The following SRGAP3 variants were observed in gnomAD, a reference collection of about 807,000 sequenced individuals.
SRGAP3 encodes SLIT-ROBO Rho GTPase-activating protein 3.
In SRGAP3, 39 loss-of-function variants were observed where a neutral mutation model predicts 121.1. The ratio of observed to expected loss-of-function variants is 0.32; its 90% CI spans 0.25 to 0.42. The LOEUF (loss-of-function observed/expected upper bound fraction) is 0.42, where lower values mean the gene tolerates loss of function less well. SRGAP3 is among the 10% of genes least tolerant of loss of function. SRGAP3 has a pLI of 1.00. For missense variants in SRGAP3, 1,213 were observed against 1,470.6 expected (o/e 0.82, Z 2.86); for synonymous variants, 601 against 570.0 (o/e 1.05, Z -0.77).
At chr3:9,242,429 G>A (rs1376618336) in intron 1 of SRGAP3, among the ~76,000 whole-genome samples, 4 of 152,284 alleles carry the variant, frequency 2.6e-5, no homozygotes, top group African/African-American at 4.8e-5. Context: ...GAGGTTAGGA[G>A]TTTGAGACCA....
chr3:9,342,717 CTT>C (rs1278110683), intron 1 of SRGAP3, among the ~76,000 whole-genome samples: 2 of 152,132 alleles, frequency 1.3e-5, no homozygotes, highest in Non-Finnish European at 2.9e-5. Flanking sequence ...TACTTAGACT[CTT>C]GAGGGCTTTC....
At chr3:9,056,526 T>C (rs1945831574) in intron 7 of SRGAP3, among the ~76,000 whole-genome samples, 192 bp from the exon 8 acceptor site, 1 of 152,232 alleles carries the variant, frequency 6.6e-6, no homozygotes, top group African/African-American at 2.4e-5. Flanking sequence ...AACCGGGGTC[T>C]TCCTACTCAA....
intron 1 of SRGAP3, among the ~76,000 whole-genome samples, chr3:9,234,589 A>G (rs890437492): frequency 5.3e-5 from 8 of 152,134 alleles, no homozygotes; most frequent in African/African-American, 1.9e-4. Context: ...TGAATCTCTC[A>G]GCGAGAACTC....
chr3:9,251,809 G>A (rs921982195), upstream of SRGAP3, among the ~76,000 whole-genome samples: 1 of 152,170 alleles, frequency 6.6e-6, no homozygotes, highest in Non-Finnish European at 1.5e-5. Flanking sequence ...TTTGGAGTAA[G>A]TCAGATGGTG....
At position 9,032,640 on chromosome 3, in the gene SRGAP3, C is replaced by G. The variant is rs1319588963; in HGVS notation, c.1539+10G>C. ...TGCATTCGCGGACTCCACGGCTCCC[C>G]AGCAAGTACCTTAATGAATGCTTCC... On this transcript the variant is annotated intron_variant, in intron 12 of 21. Transcript: ENST00000383836. 8 of 1,612,946 alleles carry G rather than the reference C, an allele frequency of 5.0e-6. No individual in the cohort carries two copies. The highest frequency in any genetic ancestry group is 1.3e-5 in the African/African-American group (1 of 74,780).
At chr3:9,182,073 G>A (rs1187459631) in intron 1 of SRGAP3, among the ~76,000 whole-genome samples, 1 of 151,104 alleles carries the variant, frequency 6.6e-6, no homozygotes, top group African/African-American at 2.4e-5. Flanking sequence ...CTACTCGGGA[G>A]GCTGAGGCAC....
rs1953918650 is a variant in SRGAP3 at position 9,248,867 on chromosome 3, T to C, written c.67+18A>G. The C allele has an allele frequency of 6.2e-7, 1 of 1,613,872 alleles. No individual in the cohort carries two copies. Among genetic ancestry groups the C allele is most frequent in the East Asian group, 2.2e-5 (1 of 44,886 alleles). Reference sequence around the variant, plus strand: ...CGAAAGGGGAGGAGAAGGAAAACTCTCCCAGCCCGCATCTCACCTTTTATT... The same window carrying C: ...CGAAAGGGGAGGAGAAGGAAAACTCCCCCAGCCCGCATCTCACCTTTTATT... On this transcript the variant is annotated intron_variant, in intron 1 of 21. Transcript: ENST00000383836.
intron 7 of SRGAP3, among the ~76,000 whole-genome samples, chr3:9,056,755 G>A (rs1015920735): frequency 2.0e-5 from 3 of 152,216 alleles, no homozygotes; most frequent in Admixed American, 6.5e-5. Flanking sequence ...CCATTGTGCC[G>A]CAGAATGACA....
At chr3:9,098,290 T>C (rs1408916879) in intron 3 of SRGAP3, among the ~76,000 whole-genome samples, 4 of 152,170 alleles carry the variant, frequency 2.6e-5, no homozygotes, top group African/African-American at 9.7e-5. Context: ...TTTTAATTAA[T>C]TTTTTTGAGA....
chr3:9,093,529 A>G (rs112119662), intron 3 of SRGAP3, among the ~76,000 whole-genome samples: 1 of 149,440 alleles, frequency 6.7e-6, no homozygotes, highest in African/African-American at 2.5e-5. Flanking sequence ...ATCCATCCAT[A>G]TACCCATCAA....
At chr3:9,195,464 G>A (rs570734313) in intron 1 of SRGAP3, among the ~76,000 whole-genome samples, 190 of 152,164 alleles carry the variant, frequency 1.2e-3, no homozygotes, top group African/African-American at 4.4e-3. Context: ...CTCATCTAGG[G>A]GTGAGGAACA....
chr3:9,248,608 C>T (rs1953908338), intron 1 of SRGAP3, among the ~76,000 whole-genome samples: 1 of 152,120 alleles, frequency 6.6e-6, no homozygotes, highest in Non-Finnish European at 1.5e-5. Context: ...GGGGTATCAG[C>T]GACACTCCTA....
intron 6 of SRGAP3, chr3:9,058,709 T>G: frequency 9.7e-6 from 4 of 411,880 alleles, no homozygotes; most frequent in Non-Finnish European, 1.8e-5. Context: ...CATCTTTCTC[T>G]CTCTCTTTTT....
At chr3:9,293,250 C>T (rs1171371997) in intron 3 of SRGAP3, 1 of 152,092 alleles carries the variant, frequency 6.6e-6, no homozygotes, top group Admixed American at 6.6e-5. Flanking sequence ...GGTAAAGAGA[C>T]CTGAAAATAT....
intron 3 of SRGAP3, among the ~76,000 whole-genome samples, chr3:9,256,295 G>C (rs529013983): frequency 6.6e-6 from 1 of 152,318 alleles, no homozygotes; most frequent in East Asian, 1.9e-4. Context: ...CTGAGCCCCA[G>C]ATCCTAATTC....
chr3:9,068,155 A>G (rs1421951960), intron 4 of SRGAP3, among the ~76,000 whole-genome samples: 1 of 151,580 alleles, frequency 6.6e-6, no homozygotes, highest in Non-Finnish European at 1.5e-5. Flanking sequence ...TCCTTTTTCT[A>G]TTTTGGCTTC....
chr3:9,038,757 T>G (rs1359237739), intron 10 of SRGAP3, among the ~76,000 whole-genome samples: 1 of 152,328 alleles, frequency 6.6e-6, no homozygotes, highest in South Asian at 2.1e-4. Context: ...CTTCTCCTTA[T>G]GCCCTGGTTC....
chr3:9,307,105 T>C (rs1265541413), intron 3 of SRGAP3, among the ~76,000 whole-genome samples: 2 of 152,148 alleles, frequency 1.3e-5, no homozygotes, highest in East Asian at 1.9e-4. Flanking sequence ...CCCGAGTAGT[T>C]GGGACTAGAG....
rs551649892 is a variant in SRGAP3 at position 9,136,290 on chromosome 3, C to T, written c.68-11373G>A. Among the ~76,000 whole-genome samples, 422 of 152,252 alleles carry T rather than the reference C, an allele frequency of 2.8e-3. 2 individuals are homozygous for T. Among genetic ancestry groups the T allele is most frequent in the African/African-American group, 9.6e-3 (398 of 41,550 alleles). On this transcript the variant is annotated intron_variant, in intron 1 of 21. Transcript: ENST00000383836. Reference sequence around the variant, plus strand: ...CCGAGAGGCGGCTTCCGGGACGGCCCCGAGGGTCCGCAGGATCCGTGCGCC... The same window carrying T: ...CCGAGAGGCGGCTTCCGGGACGGCCTCGAGGGTCCGCAGGATCCGTGCGCC...
Sources: allele counts gnomAD v4.1 joint callset (sites outside exome capture counted in the v4.1 genomes callset), GRCh38; gene constraint gnomAD v4.1.1; transcripts MANE v1.5; gene names NCBI Gene and HGNC (gene_info 2026-07-23, HGNC 2026-07-21).